The following KIF1C variants were observed in gnomAD, a reference collection of about 807,000 sequenced individuals.
KIF1C encodes the protein kinesin family member 1C, also known as kinesin-like protein KIF1C.
In KIF1C, 61 loss-of-function variants were observed where a neutral mutation model predicts 126.5. That is an observed-to-expected ratio of 0.48 (90% confidence interval 0.39 to 0.60). The LOEUF is 0.60. Ranked by LOEUF, KIF1C falls within the 20% of genes least tolerant of loss-of-function variation. KIF1C has a pLI of 0.00. For missense variants in KIF1C, 1,315 were observed against 1,489.2 expected (o/e 0.88, Z 1.93); for synonymous variants, 640 against 580.6 (o/e 1.10, Z -1.47).
At chr17:5,016,874 C>G (rs1056733928) in intron 18 of KIF1C, among the ~76,000 whole-genome samples, 19 of 150,916 alleles carry the variant, frequency 1.3e-4, no homozygotes, top group Admixed American at 9.9e-4. Context: ...CCACTGCACT[C>G]CAGCCTGGGT....
Position 5,018,705 on chromosome 17 carries a change from A to AC in KIF1C, c.1667-1291_1667-1290insC, listed in dbSNP as rs1472806358. 1.0e-4 allele frequency among the ~76,000 whole-genome samples: 15 copies of AC among 148,744 alleles called. 1 individual carries two copies. The South Asian group carries it at 3.2e-3, about 32-fold the overall frequency. On this transcript the variant is annotated intron_variant, in intron 18 of 22. Transcript: ENST00000320785. ...CCAACAAGAGTGAAACTCCATCTCA[A>AC]AAAAAAAAAAGAAAAAAGAAAAGCC...
intron 1 of KIF1C, chr17:4,998,930 C>G (rs1974480821): frequency 6.6e-6 from 1 of 152,394 alleles, no homozygotes; most frequent in African/African-American, 2.4e-5. Context: ...TGGCACCTTC[C>G]CCAGGGCAGT....
In KIF1C at chr17:4,999,458, C is replaced by T. The variant is rs567645053; in HGVS notation, c.-148-392C>T. Among the ~76,000 whole-genome samples the T allele has an allele frequency of 4.6e-5, 7 of 151,776 alleles. No homozygotes were observed. The East Asian group carries it at 9.7e-4, about 21-fold the overall frequency. On this transcript the variant is annotated intron_variant, in intron 1 of 22. Coordinates refer to ENST00000320785, the MANE Select transcript of KIF1C (RefSeq NM_006612.6). ...CTGTGCTGTGTCTCTTCCTCCTTTC[C>T]TCTCCCATTCTTTCCTTCATAGCAT...
At position 5,007,293 on chromosome 17, in the gene KIF1C, G is replaced by A. The variant is rs1974758424; in HGVS notation, c.1366G>A (p.Glu456Lys). The change falls in exon 15 of 23, where the codon GAG (glutamate) becomes AAG (lysine). Residue 456 changes from glutamate (E) to lysine (K), a missense_variant. Glu to Lys is a moderately conservative substitution (Grantham distance 56, BLOSUM62 1). Around this residue, in one of 2 missense-constraint regions of KIF1C, gnomAD observed 874 missense variants for 1,053.2 expected, o/e 0.83. Coordinates refer to ENST00000320785, the MANE Select transcript of KIF1C (RefSeq NM_006612.6). Reference protein sequence around the residue: ...ETEKIIAELNETWEEKLRKTE... With the variant: ...ETEKIIAELNKTWEEKLRKTE... ...AGAGAAGATTATAGCTGAGCTGAACGAGACATGGGAGGAGAAGCTACGCAA... is the reference window on the plus strand; with the variant it reads ...AGAGAAGATTATAGCTGAGCTGAACAAGACATGGGAGGAGAAGCTACGCAA... 3 of 1,612,056 alleles carry A rather than the reference G, an allele frequency of 1.9e-6. No homozygotes were observed. The African/African-American group carries it at 4.0e-5, about 22-fold the overall frequency.
At position 5,002,852 on chromosome 17, in the gene KIF1C, C is replaced by CG. The variant is rs1974632254; in HGVS notation, c.720+10_720+11insG. On this transcript the variant is annotated intron_variant, in intron 8 of 22. Transcript: ENST00000320785. The stretch of plus-strand genomic sequence containing the variant: ...GCTGGACTCGGAGAAGGTGGGATCG[C>CG]CCCCCCCCCCACTCCCCCACCGGAT... 4.2e-6 allele frequency: 1 copy of CG among 236,070 alleles called. No individual in the cohort carries two copies. The highest frequency in any genetic ancestry group is 5.5e-6 in the Non-Finnish European group (1 of 181,464). 14.6% of individuals were successfully genotyped at this position (236,070 alleles called of 1,614,324 possible). A position where few individuals can be genotyped will look rare whatever the true frequency, so the allele number is the denominator to read the frequency against.
intron 4 of KIF1C, 106 bp from the exon 5 acceptor site, chr17:5,001,116 C>A: frequency 8.1e-7 from 1 of 1,228,862 alleles, no homozygotes; most frequent in Non-Finnish European, 1.2e-6. Flanking sequence ...GCACACAGGA[C>A]ATTTGGGGAA....
At chr17:5,005,813 G>A (rs1227640787) in intron 13 of KIF1C, among the ~76,000 whole-genome samples, 5 of 149,256 alleles carry the variant, frequency 3.3e-5, no homozygotes, top group East Asian at 2.0e-4. Context: ...TGCAACCTCC[G>A]CCTTCTGGGT....
chr17:5,005,050 A>G, intron 13 of KIF1C, 50 bp downstream of exon 13: 1 of 1,611,182 alleles, frequency 6.2e-7, no homozygotes, highest in Non-Finnish European at 8.5e-7. Flanking sequence ...GGCCCACCCC[A>G]TCCCTCCTCA....
Position 5,022,109 on chromosome 17 carries a change from C to T in KIF1C, c.2028C>T (p.Ser676=), listed in dbSNP as rs758660608. The T allele has an allele frequency of 4.4e-6, 7 of 1,606,078 alleles. No individual in the cohort carries two copies. Among genetic ancestry groups the T allele is most frequent in the Admixed American group, 1.7e-5 (1 of 59,678 alleles). Reference sequence around the variant, plus strand: ...GGCCCCAGTATGCAGACTCGGACAGCGGGGATGACTCTGACAAGCGCTCTT... The same window carrying T: ...GGCCCCAGTATGCAGACTCGGACAGTGGGGATGACTCTGACAAGCGCTCTT... ...EQQRLYADSD[S]GDDSDKRSCE... Residue 676 remains serine, a synonymous_variant, in exon 22 of 23, where the codon AGC becomes AGT. Transcript: ENST00000320785. The surrounding 1 kb of genome is among the most constrained non-coding windows in gnomAD (Gnocchi z 4.9).
intron 4 of KIF1C, 94 bp from the exon 5 acceptor site, chr17:5,001,128 C>A: frequency 7.6e-7 from 1 of 1,316,738 alleles, no homozygotes; most frequent in South Asian, 1.3e-5. Context: ...TTTGGGGAAT[C>A]GTCAGTGATG....
intron 17 of KIF1C, among the ~76,000 whole-genome samples, chr17:5,014,022 C>T (rs1171488931): frequency 6.6e-6 from 1 of 152,202 alleles, no homozygotes; most frequent in East Asian, 1.9e-4. Flanking sequence ...ATGCCATTGC[C>T]TTGGCCTCCC....
chr17:5,002,305 T>C (rs1186200670), intron 6 of KIF1C, among the ~76,000 whole-genome samples, 159 bp from the exon 7 acceptor site: 1 of 152,186 alleles, frequency 6.6e-6, no homozygotes, highest in Non-Finnish European at 1.5e-5. Flanking sequence ...CGGACACACC[T>C]CCTGGCTTGT....
chr17:5,005,730 C>CT (rs72032376), intron 13 of KIF1C, among the ~76,000 whole-genome samples: 294 of 142,506 alleles, frequency 2.1e-3, no homozygotes, highest in South Asian at 6.2e-3. Flanking sequence ...GCTAAGAATT[C>CT]TTTTTTTTTT....
chr17:5,017,453 A>C (rs531239799), intron 18 of KIF1C, among the ~76,000 whole-genome samples: 9 of 151,310 alleles, frequency 5.9e-5, no homozygotes, highest in East Asian at 3.9e-4. Context: ...GCGCCCCCCC[A>C]CCACCACACC....
rs772127543 is a variant in KIF1C, at chr17:5,020,895, G to C, written c.2010+17G>C. The C allele has an allele frequency of 9.6e-6, 15 of 1,564,514 alleles. No homozygotes were observed. Among genetic ancestry groups the C allele is most frequent in the African/African-American group, 1.4e-5 (1 of 73,756 alleles). On this transcript the variant is annotated intron_variant, in intron 21 of 22. Coordinates refer to ENST00000320785, the MANE Select transcript of KIF1C (RefSeq NM_006612.6). This position sits in a 1 kb window ranked among gnomAD's most constrained non-coding sequence, Gnocchi z 5.8. ...CAGCGACTGGTGAGGGGCAGCAGGG[G>C]CTGGGGATGGGCTGATGGGCAGATG...
intron 13 of KIF1C, among the ~76,000 whole-genome samples, chr17:5,005,915 C>T (rs1409160832): frequency 2.0e-5 from 3 of 151,274 alleles, no homozygotes; most frequent in Admixed American, 1.3e-4. Flanking sequence ...TTAGTAGAGA[C>T]GGGGGTTTTA....
rs375912561 is a variant in KIF1C at position 5,001,128 on chromosome 17, C to T, written c.184-94C>T. 3.8e-5 allele frequency: 50 copies of T among 1,316,622 alleles called. 1 individual carries two copies. Among genetic ancestry groups the T allele is most frequent in the Middle Eastern group, 1.9e-4 (1 of 5,170 alleles). 81.6% of individuals were successfully genotyped at this position (1,316,622 alleles called of 1,614,324 possible). ...AGGGCACACAGGACATTTGGGGAAT[C>T]GTCAGTGATGGAAGCAAGACTCTTG... On this transcript the variant is annotated intron_variant, in intron 4 of 22. Coordinates refer to ENST00000320785, the MANE Select transcript of KIF1C (RefSeq NM_006612.6).
rs1975222345 is a variant in KIF1C at position 5,027,154 on chromosome 17, A to C, written c.*3003A>C. ...TTTATTTATTTATTTTTTGAGACGG[A>C]GTCTCGCTCTGTTGCCTAGGCTGGA... On this transcript the variant is annotated 3_prime_UTR_variant, in exon 23 of 23. Transcript: ENST00000320785. 6.6e-6 allele frequency: 1 copy of C among 152,166 alleles called. No homozygotes were observed. The highest frequency in any genetic ancestry group is 1.5e-5 in the Non-Finnish European group (1 of 68,040). The allele number at this position is 152,166 out of a possible 1,614,324, so 9.4% of individuals were successfully genotyped here.
In KIF1C at chr17:5,002,052, C is replaced by A. The variant is rs542162428; in HGVS notation, c.364-7C>A. 1.5e-5 allele frequency: 24 copies of A among 1,613,820 alleles called. 1 individual carries two copies. The highest frequency in any genetic ancestry group is 1.3e-4 in the Admixed American group (8 of 60,020). On this transcript the variant is annotated splice_region_variant and splice_polypyrimidine_tract_variant and intron_variant, in intron 5 of 22. Transcript: ENST00000320785. ...GCTTCTCTGTATTTCCCTGTGTCCC[C>A]CTCCAGCTCTGTGAGGACCTCTTCT...
Sources: allele counts gnomAD v4.1 joint callset (sites outside exome capture counted in the v4.1 genomes callset), GRCh38; gene constraint gnomAD v4.1.1; regional missense constraint gnomAD v4.1.1; non-coding constraint Gnocchi (gnomAD v3.1); transcripts MANE v1.5; gene names NCBI Gene and HGNC (gene_info 2026-07-23, HGNC 2026-07-21).